JAK2: variants seen among roughly 807,000 people sequenced by gnomAD.
The protein encoded by JAK2 is Janus kinase 2.
A neutral mutation model predicts 139.3 loss-of-function variants in JAK2; 86 were observed. That is an observed-to-expected ratio of 0.62 (90% CI 0.52 to 0.74). JAK2 has a LOEUF of 0.74. Ranked by LOEUF, JAK2 falls within the 30% of genes least tolerant of loss-of-function variation. The pLI, the probability that JAK2 is intolerant of heterozygous loss-of-function variation, is 0.00. For synonymous variants in JAK2, 490 were observed against 437.7 expected, an observed-to-expected ratio of 1.12 and a Z score of -1.49; for missense variants, 1,421 against 1,360.3, an observed-to-expected ratio of 1.04 and a Z score of -0.70.
chr9:5,031,101 C>T (rs1823117240), intron 4 of JAK2, among the ~76,000 whole-genome samples: 1 of 152,054 alleles, frequency 6.6e-6, no homozygotes, highest in South Asian at 2.1e-4. Context: ...TAGGACATAA[C>T]ATTGGAATGG....
chr9:5,110,367 A>G (rs974889538), intron 22 of JAK2: 1 of 152,272 alleles, frequency 6.6e-6, no homozygotes, highest in African/African-American at 2.4e-5. Context: ...TTAAAAAATC[A>G]TAGCATTCTC....
chr9:5,116,605 C>G (rs1823194847), intron 22 of JAK2, among the ~76,000 whole-genome samples: 1 of 152,054 alleles, frequency 6.6e-6, no homozygotes, highest in Non-Finnish European at 1.5e-5. Context: ...TATGAAGATT[C>G]AGAGATTTGG....
intron 22 of JAK2, among the ~76,000 whole-genome samples, chr9:5,116,836 C>T (rs1564021923): frequency 6.6e-6 from 1 of 152,152 alleles, no homozygotes. Context: ...TAGGAAAAGT[C>T]ATATGTATAA....
chr9:5,035,454 C>G (rs1216448116), intron 4 of JAK2, among the ~76,000 whole-genome samples: 1 of 152,188 alleles, frequency 6.6e-6, no homozygotes, highest in Admixed American at 6.5e-5. Context: ...ATACCAATAT[C>G]CTTGATGAAC....
intron 22 of JAK2, among the ~76,000 whole-genome samples, chr9:5,115,323 C>G (rs992083708): frequency 7.2e-5 from 11 of 152,158 alleles, no homozygotes; most frequent in African/African-American, 2.2e-4. Flanking sequence ...CTCATCATCA[C>G]TGGTCATCAG....
chr9:5,058,991 A>C (rs7034878), intron 8 of JAK2, among the ~76,000 whole-genome samples: 81,748 of 151,950 alleles, frequency 0.54, 22,187 homozygotes, highest in African/African-American at 0.57. Flanking sequence ...GCTTTTCACT[A>C]TGTTGCTTGT....
In JAK2 at chr9:5,129,638, A is replaced by G. The variant is rs1009343925; in HGVS notation, c.*2847A>G. Among the ~76,000 whole-genome samples the G allele has an allele frequency of 6.6e-6, 1 of 152,150 alleles. No individual in the cohort carries two copies. The highest frequency in any genetic ancestry group is 2.4e-5 in the African/African-American group (1 of 41,464). On this transcript the variant is annotated 3_prime_UTR_variant, in exon 25 of 25. Transcript: ENST00000381652. The stretch of plus-strand genomic sequence containing the variant: ...GAGATAAGCTTGATTTAAGAAAAAA[A>G]CAATTAAAGTATGAATATCAGAAAT...
intron 2 of JAK2, among the ~76,000 whole-genome samples, chr9:5,019,259 T>C (rs1173584033): frequency 6.6e-6 from 1 of 152,158 alleles, no homozygotes; most frequent in Non-Finnish European, 1.5e-5. Flanking sequence ...TTCTTTATTT[T>C]TGTCTAATGG....
intron 2 of JAK2, among the ~76,000 whole-genome samples, chr9:5,000,084 T>C (rs1820841391): frequency 6.6e-6 from 1 of 152,218 alleles, no homozygotes; most frequent in African/African-American, 2.4e-5. Flanking sequence ...CTATTTATGT[T>C]CATTTTCATA....
In JAK2 at chr9:5,017,800, GT is replaced by G. The variant is rs1426161065; in HGVS notation, c.-25-4159del. On this transcript the variant is annotated intron_variant, in intron 2 of 24. Transcript: ENST00000381652. Reference sequence around the variant, plus strand: ...TTATATCTGTTACAGTAATTGCCAGGTTTTGTTGTTGTTGTTTTGATACATT... The same window carrying G: ...TTATATCTGTTACAGTAATTGCCAGGTTTGTTGTTGTTGTTTTGATACATT... Among the ~76,000 whole-genome samples, 4 of 152,234 alleles carry G rather than the reference GT, an allele frequency of 2.6e-5. No homozygotes were observed. In the East Asian group the frequency reaches 7.7e-4, roughly 29 times the overall value.
chr9:5,024,683 C>T (rs1012955123), intron 3 of JAK2, among the ~76,000 whole-genome samples: 6 of 152,128 alleles, frequency 3.9e-5, no homozygotes, highest in Non-Finnish European at 5.9e-5. Context: ...AACTTTAGAC[C>T]TCTGCCCCAG....
chr9:5,121,045 A>C (rs1236219634), intron 22 of JAK2, among the ~76,000 whole-genome samples: 1 of 152,140 alleles, frequency 6.6e-6, no homozygotes, highest in East Asian at 1.9e-4. Flanking sequence ...AAAGTTTTTA[A>C]CCAAGAGAGG....
intron 2 of JAK2, among the ~76,000 whole-genome samples, chr9:4,990,748 A>G (rs1820194817): frequency 6.6e-6 from 1 of 152,148 alleles, no homozygotes; most frequent in Non-Finnish European, 1.5e-5. Flanking sequence ...CTAATAAGAA[A>G]TCTATAAAAA....
At chr9:5,097,197 C>T (rs1200855974) in intron 22 of JAK2, 1 of 152,186 alleles carries the variant, frequency 6.6e-6, no homozygotes, top group Non-Finnish European at 1.5e-5. Flanking sequence ...ATCCCAATAT[C>T]AAACACCCCT....
intron 12 of JAK2, among the ~76,000 whole-genome samples, chr9:5,071,191 A>C (rs1818929783): frequency 6.6e-6 from 1 of 152,186 alleles, no homozygotes; most frequent in Non-Finnish European, 1.5e-5. Context: ...AAGAAACAAA[A>C]AAATCTTTTC....
chr9:5,009,836 A>G (rs781243539), intron 2 of JAK2, among the ~76,000 whole-genome samples: 3 of 151,694 alleles, frequency 2.0e-5, no homozygotes, highest in Non-Finnish European at 4.4e-5. Flanking sequence ...AGTGGTGCCA[A>G]CCTAGCTCAC....
chr9:5,103,221 CAAAAAAAAAAAAAAAAAAA>C (rs56691830), intron 22 of JAK2, among the ~76,000 whole-genome samples: 6 of 6,874 alleles, frequency 8.7e-4, no homozygotes, highest in Non-Finnish European at 1.2e-3. Context: ...AAAGGGAAAG[CAAAAAAAAAAAAAAAAAAA>C]AAAAAAAAAA....
chr9:5,128,305 G>T lies in JAK2; in HGVS notation c.*1514G>T. The stretch of plus-strand genomic sequence containing the variant: ...TTATTATACTTAAAGCATTTTTAAA[G>T]CATTTTAATAGTTCTGGATGCAGAA... On this transcript the variant is annotated 3_prime_UTR_variant, in exon 25 of 25. Transcript: ENST00000381652. 4.5e-6 allele frequency: 1 copy of T among 223,988 alleles called. No individual in the cohort carries two copies. Among genetic ancestry groups the T allele is most frequent in the Non-Finnish European group, 8.9e-6 (1 of 112,062 alleles). 13.9% of individuals were successfully genotyped at this position (223,988 alleles called of 1,614,324 possible). A position where few individuals can be genotyped will look rare whatever the true frequency, so the allele number is the denominator to read the frequency against.
chr9:5,040,620 C>G (rs997816727), intron 4 of JAK2, among the ~76,000 whole-genome samples: 1 of 152,234 alleles, frequency 6.6e-6, no homozygotes, highest in African/African-American at 2.4e-5. Flanking sequence ...CTCAACAAGA[C>G]AATGACAACT....
Sources: allele counts gnomAD v4.1 joint callset (sites outside exome capture counted in the v4.1 genomes callset), GRCh38; gene constraint gnomAD v4.1.1; transcripts MANE v1.5; gene names NCBI Gene and HGNC (gene_info 2026-07-23, HGNC 2026-07-21).